Variants in MYOZ1 observed in about 807,000 individuals in gnomAD.
MYOZ1 encodes myozenin 1.
Under a neutral mutation model 28.7 loss-of-function variants are expected in MYOZ1, and 20 were observed. That is an observed-to-expected ratio of 0.70 (90% confidence interval 0.49 to 1.01). MYOZ1 has a LOEUF of 1.01. MYOZ1 is among the 50% of genes least tolerant of loss of function. The pLI is 0.00. For missense variants in MYOZ1, 371 were observed against 372.4 expected, an observed-to-expected ratio of 1.00 and a Z score of 0.03; for synonymous variants, 144 against 145.8, an observed-to-expected ratio of 0.99 and a Z score of 0.09.
chr10:73,639,823 C>A, intron 2 of MYOZ1, 122 bp downstream of exon 2: 1 of 928,370 alleles, frequency 1.1e-6, no homozygotes, highest in South Asian at 1.6e-5. Context: ...CACTCCCCAT[C>A]ACCCGCCTTC....
chr10:73,639,126 G>C (rs1180530883), intron 2 of MYOZ1, among the ~76,000 whole-genome samples: 1 of 151,342 alleles, frequency 6.6e-6, no homozygotes. Flanking sequence ...TATTTATTTT[G>C]AGACAAAATA....
chr10:73,632,434 A>G (rs1327058393), intron 5 of MYOZ1, among the ~76,000 whole-genome samples: 3 of 152,114 alleles, frequency 2.0e-5, no homozygotes, highest in Non-Finnish European at 4.4e-5. Context: ...CCCAAATACT[A>G]TAGACCCAAG....
chr10:73,632,235 C>A, intron 5 of MYOZ1, 74 bp from the exon 6 acceptor site: 1 of 1,313,824 alleles, frequency 7.6e-7, no homozygotes, highest in Non-Finnish European at 1.1e-6. Context: ...ATGCTACCCT[C>A]TTTGAGAATA....
rs1191572577 is a variant in MYOZ1, at chr10:73,633,958, T to A, written c.610A>T (p.Ile204Phe). Residue 204 changes from isoleucine (I) to phenylalanine (F), a missense_variant, in exon 5 of 6, where the codon ATT (isoleucine) becomes TTT (phenylalanine). Physicochemically the swap from Ile to Phe is conservative, Grantham distance 21. Transcript: ENST00000359322. ...TTGGCCCCATAGGCCAGCAGGTCAATGCCAAGTTCCATTTTTTGCTGGGGG... is the reference window on the plus strand; with the variant it reads ...TTGGCCCCATAGGCCAGCAGGTCAAAGCCAAGTTCCATTTTTTGCTGGGGG... Reference protein sequence around the residue: ...VDPQQKMELGIDLLAYGAKAE... With the variant: ...VDPQQKMELGFDLLAYGAKAE... The A allele has an allele frequency of 6.2e-7, 1 of 1,614,084 alleles. No homozygotes were observed. Among genetic ancestry groups the A allele is most frequent in the Non-Finnish European group, 8.5e-7 (1 of 1,179,964 alleles).
chr10:73,633,290 T>C (rs557122972), intron 5 of MYOZ1, among the ~76,000 whole-genome samples: 13 of 150,580 alleles, frequency 8.6e-5, no homozygotes, highest in Admixed American at 8.6e-4. Context: ...AGAGCAAAAC[T>C]GAGTCAAAGA....
chr10:73,639,871 A>G, intron 2 of MYOZ1, 74 bp downstream of exon 2: 1 of 1,441,108 alleles, frequency 6.9e-7, no homozygotes, highest in Non-Finnish European at 9.7e-7. Flanking sequence ...ACCCTAAGAT[A>G]TATATTTCTG....
chr10:73,638,125 A>G (rs937629764), intron 2 of MYOZ1, among the ~76,000 whole-genome samples: 2 of 151,804 alleles, frequency 1.3e-5, no homozygotes, highest in Admixed American at 1.3e-4. Context: ...TGCACTGTGG[A>G]GATAATGGGA....
chr10:73,633,521 G>A (rs544185063), intron 5 of MYOZ1, among the ~76,000 whole-genome samples: 2 of 152,180 alleles, frequency 1.3e-5, no homozygotes, highest in South Asian at 4.2e-4. Context: ...TTGAGCCCAG[G>A]AGTTCGAGAC....
Position 73,634,470 on chromosome 10 carries a change from G to A in MYOZ1, c.502+14C>T. 6.2e-7 allele frequency: 1 copy of A among 1,613,588 alleles called. No homozygotes were observed. The highest frequency in any genetic ancestry group is 1.1e-5 in the South Asian group (1 of 91,024). The stretch of plus-strand genomic sequence containing the variant: ...TAGGGACCAAACACATTACTCTTGG[G>A]TGAGTGTACTTGCCTGATCCTGTCT... On this transcript the variant is annotated intron_variant, in intron 4 of 5. Transcript: ENST00000359322.
chr10:73,640,647 A>T (rs11000726), intron 1 of MYOZ1, among the ~76,000 whole-genome samples: 31,887 of 152,030 alleles, frequency 0.21, 4,826 homozygotes, highest in African/African-American at 0.42. Context: ...ACAATAACAC[A>T]AGCAGGGCAA....
chr10:73,637,014 C>CTTTTT (rs1229338667), intron 3 of MYOZ1, among the ~76,000 whole-genome samples: 1 of 132,646 alleles, frequency 7.5e-6, no homozygotes, highest in African/African-American at 2.8e-5. Flanking sequence ...TTTTTTCTTT[C>CTTTTT]TTTTTTTTTT....
Position 73,637,015 on chromosome 10 carries a change from T to TC in MYOZ1, c.252+728_252+729insG, listed in dbSNP as rs1403544806. ...TTCTTCCTTTTTTCTTTTTTCTTTCTTTTTTTTTTTTTTTTGAGACAGAGT... is the reference window on the plus strand; with the variant it reads ...TTCTTCCTTTTTTCTTTTTTCTTTCTCTTTTTTTTTTTTTTTGAGACAGAGT... On this transcript the variant is annotated intron_variant, in intron 3 of 5. Transcript: ENST00000359322. Among the ~76,000 whole-genome samples the TC allele has an allele frequency of 4.4e-5, 6 of 136,422 alleles. No individual in the cohort carries two copies. In the East Asian group the frequency reaches 6.5e-4, roughly 15 times the overall value. The allele number at this position is 136,422 out of a possible 152,430, so 89.5% of individuals were successfully genotyped here. A position where few individuals can be genotyped will look rare whatever the true frequency, so the allele number is the denominator to read the frequency against.
At chr10:73,632,733 G>A (rs576251287) in intron 5 of MYOZ1, among the ~76,000 whole-genome samples, 13 of 149,220 alleles carry the variant, frequency 8.7e-5, no homozygotes, top group East Asian at 2.0e-4. Context: ...GCAGTGAGCC[G>A]AGACTGCACC....
Position 73,631,949 on chromosome 10 carries a change from C to T in MYOZ1, c.881G>A (p.Gly294Glu). ...AACACCTCACAGCTCCTCTGTTTCTCCATCCAAGGGGATGCCAATATCCAC... is the reference window on the plus strand; with the variant it reads ...AACACCTCACAGCTCCTCTGTTTCTTCATCCAAGGGGATGCCAATATCCAC... ...YNVDIGIPLD[G>E]ETEEL Residue 294 changes from glycine (G) to glutamate (E), a missense_variant, in exon 6 of 6, where the codon GGA (glycine) becomes GAA (glutamate). Gly to Glu is a moderately conservative substitution (Grantham distance 98, BLOSUM62 -2). Transcript: ENST00000359322. The T allele has an allele frequency of 6.2e-7, 1 of 1,613,940 alleles. No individual in the cohort carries two copies. The highest frequency in any genetic ancestry group is 1.1e-5 in the South Asian group (1 of 91,066).
intron 4 of MYOZ1, 122 bp from the exon 5 acceptor site, chr10:73,634,187 G>A: frequency 8.5e-7 from 1 of 1,175,744 alleles, no homozygotes; most frequent in Non-Finnish European, 1.2e-6. Flanking sequence ...TAATATCCTG[G>A]TAATTGTATA....
chr10:73,634,448 G>C, intron 4 of MYOZ1, 36 bp downstream of exon 4: 1 of 1,610,538 alleles, frequency 6.2e-7, no homozygotes, highest in South Asian at 1.1e-5. Flanking sequence ...TCTGCTCTAG[G>C]GACCAAACAC....
chr10:73,640,149 A>AT (rs1554958314), intron 1 of MYOZ1, 114 bp from the exon 2 acceptor site: 276 of 802,432 alleles, frequency 3.4e-4, no homozygotes, highest in Non-Finnish European at 4.0e-4. Context: ...GGACAAAAAA[A>AT]TTTTTTTTTC....
chr10:73,634,404 C>T, intron 4 of MYOZ1, 80 bp downstream of exon 4: 1 of 1,549,858 alleles, frequency 6.5e-7, no homozygotes, highest in Non-Finnish European at 8.7e-7. Flanking sequence ...CCTCTGCTCC[C>T]CACACTCAGC....
At position 73,634,709 on chromosome 10, in the gene MYOZ1, T is replaced by G; in HGVS notation, c.277A>C (p.Thr93Pro). 1 of 1,613,726 alleles carries G rather than the reference T, an allele frequency of 6.2e-7. No individual in the cohort carries two copies. The highest frequency in any genetic ancestry group is 8.5e-7 in the Non-Finnish European group (1 of 1,179,678). ...SMDHFQKFLP[T>P]VGGQLGTAGQ... Reference sequence around the variant, plus strand: ...GCTGTGCCCAGCTGTCCCCCCACTGTTGGAAGGAACTTCTGGAAGTGATCC... The same window carrying G: ...GCTGTGCCCAGCTGTCCCCCCACTGGTGGAAGGAACTTCTGGAAGTGATCC... The change falls in exon 4 of 6, where the codon ACA becomes CCA. Residue 93 changes from threonine (T) to proline (P), a missense_variant. By Grantham distance (38) the Thr-to-Pro change is conservative. Transcript: ENST00000359322.
Sources: gnomAD v4.1 joint callset for allele counts (sites outside exome capture counted in the v4.1 genomes callset) on GRCh38, gnomAD v4.1.1 for gene constraint, MANE v1.5 for transcripts, NCBI Gene and HGNC (gene_info 2026-07-23, HGNC 2026-07-21) for gene names.